The following PDE8B variants were observed in gnomAD, a reference collection of about 807,000 sequenced individuals.
The protein encoded by PDE8B is high affinity cAMP-specific and IBMX-insensitive 3',5'-cyclic phosphodiesterase 8B.
In PDE8B, 26 loss-of-function variants were observed where a neutral mutation model predicts 101.3. The ratio of observed to expected loss-of-function variants is 0.26; its 90% CI spans 0.19 to 0.36. PDE8B has a LOEUF of 0.36. PDE8B is among the 10% of genes least tolerant of loss of function. The pLI is 1.00. For missense variants in PDE8B, 810 were observed against 1,163.1 expected (o/e 0.70, Z 4.42); for synonymous variants, 424 against 429.3 (o/e 0.99, Z 0.15).
intron 1 of PDE8B, among the ~76,000 whole-genome samples, chr5:77,248,416 A>T (rs907017827): frequency 2.6e-5 from 4 of 151,576 alleles, no homozygotes; most frequent in African/African-American, 9.7e-5. Flanking sequence ...ATCCTCAAGA[A>T]TTAAGAAACC....
chr5:77,331,229 G>C (rs1777057415), intron 4 of PDE8B, 173 bp from the exon 5 acceptor site: 6 of 731,816 alleles, frequency 8.2e-6, no homozygotes, highest in Non-Finnish European at 1.5e-5. Flanking sequence ...GCATCTGGAA[G>C]GTAGATGTGG....
chr5:77,184,287 A>G, the PDE8B span, among the ~76,000 whole-genome samples: 2 of 152,202 alleles, frequency 1.3e-5, no homozygotes, highest in Admixed American at 6.5e-5. Flanking sequence ...TTAAATACAT[A>G]CTGCTAACTT....
At chr5:77,323,132 T>C (rs1775401277) in intron 2 of PDE8B, among the ~76,000 whole-genome samples, 1 of 152,252 alleles carries the variant, frequency 6.6e-6, no homozygotes, top group Non-Finnish European at 1.5e-5. Flanking sequence ...TAAAAGGTTA[T>C]TGACTTTTTG....
At chr5:77,247,370 C>T (rs1027618408) in intron 1 of PDE8B, among the ~76,000 whole-genome samples, 2 of 152,134 alleles carry the variant, frequency 1.3e-5, no homozygotes, top group Admixed American at 1.3e-4. Context: ...CAGGGTGCCT[C>T]GGGGTCCCAA....
chr5:77,403,822 T>C (rs921515465), intron 11 of PDE8B, among the ~76,000 whole-genome samples: 2 of 147,200 alleles, frequency 1.4e-5, no homozygotes, highest in African/African-American at 2.5e-5. Context: ...TTTCTTAAAT[T>C]CTTTTTTTTT....
the PDE8B span, among the ~76,000 whole-genome samples, chr5:77,121,667 C>T: frequency 5.9e-5 from 9 of 152,070 alleles, no homozygotes; most frequent in African/African-American, 2.2e-4. Context: ...GCCACCACGC[C>T]CAGCTAATTT....
At chr5:77,194,716 C>T in the PDE8B span, among the ~76,000 whole-genome samples, 4 of 152,080 alleles carry the variant, frequency 2.6e-5, no homozygotes, top group Non-Finnish European at 5.9e-5. Context: ...TGTCTGGCTT[C>T]GTTCACTTAG....
At chr5:77,118,275 G>T in the PDE8B span, 1 of 398,010 alleles carries the variant, frequency 2.5e-6, no homozygotes, top group South Asian at 1.3e-4. Flanking sequence ...TCTAAGTTTA[G>T]AAGCATCTAA....
At chr5:77,180,536 C>G in the PDE8B span, 1 of 966,138 alleles carries the variant, frequency 1.0e-6, no homozygotes, top group East Asian at 1.1e-4. Flanking sequence ...CCCCCTCACA[C>G]CTGGGTACCC....
At chr5:77,289,481 C>T (rs927417520) in intron 1 of PDE8B, among the ~76,000 whole-genome samples, 4 of 152,182 alleles carry the variant, frequency 2.6e-5, no homozygotes, top group Admixed American at 6.5e-5. Flanking sequence ...TGATATTCCA[C>T]GCTGTTTTTG....
At chr5:77,297,961 C>T (rs763818500) in intron 1 of PDE8B, among the ~76,000 whole-genome samples, 3 of 152,230 alleles carry the variant, frequency 2.0e-5, no homozygotes, top group Non-Finnish European at 4.4e-5. Context: ...CTCACTCCCA[C>T]TCTGCTCCCC....
intron 1 of PDE8B, among the ~76,000 whole-genome samples, chr5:77,246,569 A>G (rs933139349): frequency 1.3e-5 from 2 of 152,208 alleles, no homozygotes; most frequent in African/African-American, 2.4e-5. Context: ...CTGAAATTCC[A>G]ATTTCGGTGA....
chr5:77,170,880 C>T, the PDE8B span, among the ~76,000 whole-genome samples: 13 of 152,150 alleles, frequency 8.5e-5, no homozygotes, highest in African/African-American at 3.1e-4. Context: ...TTTAGTCAGT[C>T]AACAAACATT....
intron 19 of PDE8B, among the ~76,000 whole-genome samples, chr5:77,421,618 C>G (rs1796658035): frequency 6.6e-6 from 1 of 152,004 alleles, no homozygotes; most frequent in African/African-American, 2.4e-5. Context: ...TGCTGAGTGT[C>G]TTTTAAGACT....
chr5:77,210,582 G>A, upstream of PDE8B: 1 of 972,264 alleles, frequency 1.0e-6, no homozygotes, highest in Non-Finnish European at 1.2e-6. The surrounding 1 kb of genome is among the most constrained non-coding windows in gnomAD (Gnocchi z 4.9). Context: ...GCGGCGGCGG[G>A]GGCCGCGCCG....
the PDE8B span, chr5:77,087,683 T>A: frequency 6.6e-6 from 1 of 152,252 alleles, no homozygotes; most frequent in African/African-American, 2.4e-5. Flanking sequence ...TTACTGTGGC[T>A]GCAGGGAGCT....
chr5:77,406,832 T>G (rs1412920150), intron 12 of PDE8B, among the ~76,000 whole-genome samples: 1 of 152,244 alleles, frequency 6.6e-6, no homozygotes, highest in Non-Finnish European at 1.5e-5. Context: ...TTCTGTAGAT[T>G]TGAACTAGAA....
rs144850972 is a variant in PDE8B, at chr5:77,363,289, A to G, written c.1167+9883A>G. Among the ~76,000 whole-genome samples the G allele has an allele frequency of 5.5e-3, 839 of 152,348 alleles. 10 individuals carry two copies. The highest frequency in any genetic ancestry group is 0.017 in the African/African-American group (720 of 41,568). ...GATTCTAACCCTAAAGTAGTTAGCAATATGGAAATAAAGGAAGCACAAGTG... is the reference window on the plus strand; with the variant it reads ...GATTCTAACCCTAAAGTAGTTAGCAGTATGGAAATAAAGGAAGCACAAGTG... On this transcript the variant is annotated intron_variant, in intron 10 of 21. Coordinates refer to ENST00000264917, the MANE Select transcript of PDE8B (RefSeq NM_003719.5).
the PDE8B span, among the ~76,000 whole-genome samples, chr5:77,121,393 A>C: frequency 6.6e-6 from 1 of 152,122 alleles, no homozygotes; most frequent in African/African-American, 2.4e-5. Context: ...AAAAAGTCAC[A>C]ATGTCTTTTA....
Sources: gnomAD v4.1 joint callset for allele counts (sites outside exome capture counted in the v4.1 genomes callset) on GRCh38, gnomAD v4.1.1 for gene constraint, Gnocchi (gnomAD v3.1) non-coding constraint, MANE v1.5 for transcripts, NCBI Gene and HGNC (gene_info 2026-07-23, HGNC 2026-07-21) for gene names.